SETD7: variants seen among roughly 807,000 people sequenced by gnomAD.
The protein encoded by SETD7 is histone-lysine N-methyltransferase SETD7.
SETD7 carries 16 observed loss-of-function variants against 41.8 expected under a neutral mutation model. The ratio of observed to expected loss-of-function variants is 0.38; its 90% CI spans 0.26 to 0.58. SETD7 has a LOEUF of 0.58. Among genes scored for constraint, SETD7 ranks in the 20% least tolerant of loss-of-function variants. The pLI, the probability that SETD7 is intolerant of heterozygous loss-of-function variation, is 0.64. For synonymous variants in SETD7, 163 were observed against 169.7 expected (o/e 0.96, Z 0.31); for missense variants, 346 against 459.7 (o/e 0.75, Z 2.26).
In SETD7 at chr4:139,506,078, C is replaced by T. The variant is rs538143989; in HGVS notation, c.*5585G>A. 6 of 152,592 alleles carry T rather than the reference C, an allele frequency of 3.9e-5. No homozygotes were observed. The East Asian group carries it at 9.6e-4, about 25-fold the overall frequency. The allele number at this position is 152,592 out of a possible 1,614,324, so 9.5% of individuals were successfully genotyped here. A position where few individuals can be genotyped will look rare whatever the true frequency, so the allele number is the denominator to read the frequency against. On this transcript the variant is annotated 3_prime_UTR_variant, in exon 8 of 8. Transcript: ENST00000274031. The stretch of plus-strand genomic sequence containing the variant: ...TTTAATACTTGCATTGTTTCTATAG[C>T]GCAATTATAGCAATCTTTAAATTTA...
At chr4:139,521,848 T>A (rs921239643) in intron 5 of SETD7, among the ~76,000 whole-genome samples, 1 of 152,250 alleles carries the variant, frequency 6.6e-6, no homozygotes, top group African/African-American at 2.4e-5. Context: ...TGTTGCTCCC[T>A]GTTTCTCTTG....
intron 5 of SETD7, among the ~76,000 whole-genome samples, chr4:139,522,741 C>CTTTTTTTTTTTTTTTTTT (rs11357611): frequency 2.1e-5 from 2 of 93,450 alleles, no homozygotes; most frequent in Non-Finnish European, 3.8e-5. Flanking sequence ...CCCAGCTGCT[C>CTTTTTTTTTTTTTTTTTT]TTTTTTTTTT....
Position 139,511,715 on chromosome 4 carries a change from G to A in SETD7, c.1049C>T (p.Pro350Leu). ...SPPGKSGPEA[P>L]EWYQVELKAF... ...CTTCAGCTCCACCTGGTACCACTCA[G>A]GGGCTTCAGGCCCACTCTTCCCGGG... The change falls in exon 8 of 8, where the codon CCT (proline) becomes CTT (leucine). Residue 350 changes from proline (P) to leucine (L), a missense_variant. Pro to Leu is a moderately conservative substitution (Grantham distance 98, BLOSUM62 -3). This residue lies in a region of SETD7 where 75 missense variants were observed against 65.5 expected (regional missense o/e 1.14). Transcript: ENST00000274031. 1.2e-6 allele frequency: 2 copies of A among 1,614,104 alleles called. No homozygotes were observed. Among genetic ancestry groups the A allele is most frequent in the Non-Finnish European group, 1.7e-6 (2 of 1,180,004 alleles).
chr4:139,517,871 TG>T lies in SETD7; in HGVS notation c.920+13del. ...AGGCATAGATCCGCCCCAGCAGCTC[TG>T]GGTAATACTTACATATCGTAGATGC... On this transcript the variant is annotated intron_variant, in intron 7 of 7. Coordinates refer to ENST00000274031, the MANE Select transcript of SETD7 (RefSeq NM_030648.4). 6.2e-7 allele frequency: 1 copy of T among 1,607,110 alleles called. No homozygotes were observed. The highest frequency in any genetic ancestry group is 1.1e-5 in the South Asian group (1 of 90,070).
intron 7 of SETD7, among the ~76,000 whole-genome samples, chr4:139,514,083 G>A (rs975793631): frequency 1.3e-5 from 2 of 152,180 alleles, no homozygotes; most frequent in African/African-American, 2.4e-5. Flanking sequence ...GGGAGTTCAA[G>A]ACTAGCCTGG....
At chr4:139,517,270 T>C (rs1727049077) in intron 7 of SETD7, among the ~76,000 whole-genome samples, 1 of 152,086 alleles carries the variant, frequency 6.6e-6, no homozygotes, top group Non-Finnish European at 1.5e-5. Context: ...AGGTCAGAAG[T>C]TCGAGATTAG....
At chr4:139,537,708 T>C (rs1258026331) in intron 2 of SETD7, among the ~76,000 whole-genome samples, 2 of 152,170 alleles carry the variant, frequency 1.3e-5, no homozygotes, top group Non-Finnish European at 2.9e-5. Flanking sequence ...AGCAAAAGAA[T>C]AGAAATGGAA....
intron 2 of SETD7, among the ~76,000 whole-genome samples, chr4:139,541,259 G>C (rs143440992): frequency 2.6e-4 from 40 of 152,202 alleles, no homozygotes; most frequent in African/African-American, 9.4e-4. Flanking sequence ...TCTCCTTCTT[G>C]TTCACCATTC....
At chr4:139,528,897 T>C (rs1331448344) in intron 4 of SETD7, 134 bp downstream of exon 4, 1 of 736,994 alleles carries the variant, frequency 1.4e-6, no homozygotes, top group African/African-American at 1.8e-5. Context: ...GTGTCTGTTA[T>C]GCAATAAAAC....
rs1212802676 is a variant in SETD7, at chr4:139,506,873, T to C, written c.*4790A>G. ...AAGTCACAGACAGAGGAAGCAAGGA[T>C]TTTTGTTATCGGAGGACGTCTCTCT... On this transcript the variant is annotated 3_prime_UTR_variant, in exon 8 of 8. Transcript: ENST00000274031. 6.5e-6 allele frequency: 1 copy of C among 152,694 alleles called. No homozygotes were observed. The highest frequency in any genetic ancestry group is 1.5e-5 in the Non-Finnish European group (1 of 68,076). The allele number at this position is 152,694 out of a possible 1,614,324, so 9.5% of individuals were successfully genotyped here.
At chr4:139,494,952 T>A (rs1464220114), downstream of SETD7, among the ~76,000 whole-genome samples, 1 of 152,264 alleles carries the variant, frequency 6.6e-6, no homozygotes, top group Non-Finnish European at 1.5e-5. Flanking sequence ...CAGTGTTTAA[T>A]CTTGTGAGAT....
intron 4 of SETD7, among the ~76,000 whole-genome samples, chr4:139,527,052 T>C (rs1260219332): frequency 6.6e-6 from 1 of 152,252 alleles, no homozygotes; most frequent in Non-Finnish European, 1.5e-5. Flanking sequence ...TTGGTCATTA[T>C]GCAAACATCA....
At chr4:139,505,260 T>C (rs1726672764), downstream of SETD7, among the ~76,000 whole-genome samples, 1 of 152,184 alleles carries the variant, frequency 6.6e-6, no homozygotes, top group Non-Finnish European at 1.5e-5. Flanking sequence ...TGAGGTACTA[T>C]GTTGACTCCT....
intron 2 of SETD7, among the ~76,000 whole-genome samples, chr4:139,541,048 C>T (rs1246314702): frequency 6.6e-6 from 1 of 152,142 alleles, no homozygotes; most frequent in Admixed American, 6.5e-5. Flanking sequence ...AGCCAAGCAA[C>T]ATCAGAAAAG....
chr4:139,540,106 C>G (rs747030643), intron 2 of SETD7, among the ~76,000 whole-genome samples: 1 of 152,252 alleles, frequency 6.6e-6, no homozygotes, highest in Admixed American at 6.5e-5. Context: ...TAAGCACCTT[C>G]TGAGTGTCCT....
chr4:139,531,482 C>A (rs1311491870), intron 3 of SETD7, among the ~76,000 whole-genome samples: 1 of 152,178 alleles, frequency 6.6e-6, no homozygotes, highest in Non-Finnish European at 1.5e-5. Context: ...TGGCTACTCA[C>A]GAGGCCAGGT....
At chr4:139,500,264 C>T (rs1178250218) in intron 7 of SETD7, among the ~76,000 whole-genome samples, 1 of 152,118 alleles carries the variant, frequency 6.6e-6, no homozygotes, top group African/African-American at 2.4e-5. Flanking sequence ...AACCACTTCT[C>T]CTCACCATGG....
chr4:139,553,403 C>T (rs1047260956), intron 1 of SETD7, among the ~76,000 whole-genome samples: 5 of 152,202 alleles, frequency 3.3e-5, no homozygotes, highest in Non-Finnish European at 7.3e-5. Context: ...TACAGAGTTA[C>T]ACTGATAAAA....
chr4:139,515,926 T>G (rs1727010361), intron 7 of SETD7, among the ~76,000 whole-genome samples: 1 of 152,192 alleles, frequency 6.6e-6, no homozygotes, highest in Non-Finnish European at 1.5e-5. Flanking sequence ...CAGGAAGAGC[T>G]GGCATTCTCA....
Sources: gnomAD v4.1 joint callset for allele counts (sites outside exome capture counted in the v4.1 genomes callset) on GRCh38, gnomAD v4.1.1 for gene constraint, gnomAD v4.1.1 regional missense constraint, MANE v1.5 for transcripts, NCBI Gene and HGNC (gene_info 2026-07-23, HGNC 2026-07-21) for gene names.